ERCC2: variants seen among roughly 807,000 people sequenced by gnomAD.
ERCC2 encodes the protein ERCC excision repair 2, TFIIH core complex helicase subunit.
ERCC2 carries 90 observed loss-of-function variants against 99.4 expected under a neutral mutation model. The ratio of observed to expected loss-of-function variants is 0.91; its 90% CI spans 0.76 to 1.08. The LOEUF (loss-of-function observed/expected upper bound fraction) is 1.08. ERCC2 is among the 50% of genes least tolerant of loss of function. The pLI, the probability that ERCC2 is intolerant of heterozygous loss-of-function variation, is 0.00. For missense variants in ERCC2, 993 were observed against 1,038.1 expected (o/e 0.96, Z 0.60); for synonymous variants, 497 against 432.4 (o/e 1.15, Z -1.85).
chr19:45,351,164 TTTAC>T lies in ERCC2; in HGVS notation c.*461_*464del, dbSNP rs1971748309. On this transcript the variant is annotated 3_prime_UTR_variant, in exon 23 of 23. Transcript: ENST00000391945. ...ACCCAGGACAGGAGCAAAGATGGGT[TTTAC>T]TTGGGGTAGAGGCGAGGGGGTTGGA... is the stretch of plus-strand genomic sequence containing the variant. The T allele has an allele frequency of 6.3e-7, 1 of 1,588,968 alleles. No individual in the cohort carries two copies. Among genetic ancestry groups the T allele is most frequent in the South Asian group, 1.1e-5 (1 of 87,550 alleles).
Position 45,350,463 on chromosome 19 carries a change from C to G in ERCC2, c.*1166G>C, listed in dbSNP as rs180919816. ...CCCTAGCCCCTGTCTGTCTTCCCTC[C>G]TGGTGGCTTCTCTATGTCCCCATCT... On this transcript the variant is annotated 3_prime_UTR_variant, in exon 23 of 23. Transcript: ENST00000391945. 5 of 1,613,320 alleles carry G rather than the reference C, an allele frequency of 3.1e-6. No individual in the cohort carries two copies. Among genetic ancestry groups the G allele is most frequent in the African/African-American group, 1.3e-5 (1 of 74,846 alleles).
At position 45,352,503 on chromosome 19, in the gene ERCC2, C is replaced by T. The variant is rs770490636; in HGVS notation, c.2046+3G>A. On this transcript the variant is annotated splice_donor_region_variant and intron_variant, in intron 21 of 22. Transcript: ENST00000391945. ...GAGCACAGGGGCACCCCTGAAGCTG[C>T]ACCTTGTCGGCAAAGACCATGAGGC... The T allele has an allele frequency of 8.1e-6, 13 of 1,614,184 alleles. No individual in the cohort carries two copies. The South Asian group carries it at 1.1e-4, about 14-fold the overall frequency.
chr19:45,360,248 C>T (rs942509833), intron 12 of ERCC2, among the ~76,000 whole-genome samples: 1 of 150,968 alleles, frequency 6.6e-6, no homozygotes, highest in African/African-American at 2.4e-5. Flanking sequence ...GCCCAGCTAA[C>T]TTTTTTTGTA....
At chr19:45,358,815 A>G (rs751812421) in intron 12 of ERCC2, 2 of 780,632 alleles carry the variant, frequency 2.6e-6, no homozygotes, top group Admixed American at 1.7e-5. Context: ...ATTTGGCTGC[A>G]TCTTTGCTAC....
chr19:45,365,773 G>A (rs1029149539), intron 5 of ERCC2, among the ~76,000 whole-genome samples: 6 of 138,468 alleles, frequency 4.3e-5, no homozygotes, highest in South Asian at 2.4e-4. Context: ...CCTGGGCCAC[G>A]GAGCCAGACT....
At position 45,363,883 on chromosome 19, in the gene ERCC2, G is replaced by A. The variant is rs746258199; in HGVS notation, c.978C>T (p.Ala326=). The A allele has an allele frequency of 4.9e-5, 76 of 1,550,430 alleles. No individual in the cohort carries two copies. The highest frequency in any genetic ancestry group is 6.1e-5 in the Non-Finnish European group (71 of 1,154,902). ...QEAVPGSIRT[A]EHFLGFLRRL... is the part of the protein sequence containing the mutation. ...GCCTCAGGAAGCCCAGGAAATGCTC[G>A]GCCGTGCGGATGGAGCCAGGCACTG... The change falls in exon 11 of 23, where the codon GCC becomes GCT. Residue 326 remains alanine (A), a synonymous_variant. Coordinates refer to ENST00000391945, the MANE Select transcript of ERCC2 (RefSeq NM_000400.4).
intron 12 of ERCC2, chr19:45,357,929 A>T: frequency 3.3e-6 from 2 of 601,236 alleles, no homozygotes; most frequent in South Asian, 1.9e-5. Context: ...TTCACGAAGG[A>T]TCCCAAGTAG....
chr19:45,356,437 G>A (rs1972015855), intron 15 of ERCC2, among the ~76,000 whole-genome samples: 1 of 152,178 alleles, frequency 6.6e-6, no homozygotes, highest in Non-Finnish European at 1.5e-5. Flanking sequence ...TTGACTCGGG[G>A]GAGCTGCCCA....
intron 9 of ERCC2, 40 bp downstream of exon 9, chr19:45,364,195 G>A (rs752972792): frequency 8.7e-6 from 14 of 1,611,792 alleles, no homozygotes; most frequent in Admixed American, 3.3e-5. Flanking sequence ...AGGGTCCCAG[G>A]GGCAGGGCGG....
At chr19:45,364,697 A>T (rs1972362416) in intron 7 of ERCC2, 141 bp downstream of exon 7, 4 of 1,319,878 alleles carry the variant, frequency 3.0e-6, no homozygotes, top group Non-Finnish European at 3.2e-6. Context: ...AGACAGACCA[A>T]CAGATACGGG....
Position 45,350,628 on chromosome 19 carries a change from G to A in ERCC2, c.*1001C>T, listed in dbSNP as rs371863089. ...GCCTGGGGGACTGAGCAGCATCCCC[G>A]GCCCCTCCCCAGGCCCTTCGCCGCA... On this transcript the variant is annotated 3_prime_UTR_variant, in exon 23 of 23. Transcript: ENST00000391945. The A allele has an allele frequency of 2.4e-4, 389 of 1,612,774 alleles. No individual in the cohort carries two copies. The highest frequency in any genetic ancestry group is 2.9e-4 in the Non-Finnish European group (338 of 1,178,964).
At chr19:45,369,230 A>C in intron 2 of ERCC2, 83 bp from the exon 3 acceptor site, 1 of 1,057,668 alleles carries the variant, frequency 9.5e-7, no homozygotes, top group South Asian at 1.3e-5. Flanking sequence ...CCCGACCCCC[A>C]ATGCCACCAA....
chr19:45,363,994 A>T lies in ERCC2; in HGVS notation c.941T>A (p.Val314Glu). 1 of 1,542,402 alleles carries T rather than the reference A, an allele frequency of 6.5e-7. No homozygotes were observed. Among genetic ancestry groups the T allele is most frequent in the East Asian group, 2.4e-5 (1 of 41,066 alleles). Residue 314 changes from valine to glutamate, a missense_variant, in exon 10 of 23, where the codon GTG becomes GAG. Val to Glu is a moderately radical substitution (Grantham distance 121). Coordinates refer to ENST00000391945, the MANE Select transcript of ERCC2 (RefSeq NM_000400.4). The stretch of plus-strand genomic sequence containing the variant: ...GGGGGGTCGGGGCTCACCCTGCAGC[A>T]CTTCGTCGGGCAGCACGGGGTTGGC... The part of the protein sequence containing the change: ...HLANPVLPDE[V>E]LQEAVPGSIR...
rs376125492 is a variant in ERCC2, at chr19:45,352,874, A to C, written c.1832-58T>G. The C allele has an allele frequency of 1.7e-5, 26 of 1,527,766 alleles. No homozygotes were observed. The East Asian group carries it at 2.5e-4, about 15-fold the overall frequency. 94.6% of individuals were successfully genotyped at this position (1,527,766 alleles called of 1,614,324 possible). ...TACAAGTGTGGCTGGTGGGACAGGG[A>C]CAGCCTCACGCGACCCAGGATGCTG... On this transcript the variant is annotated intron_variant, in intron 19 of 22. Coordinates refer to ENST00000391945, the MANE Select transcript of ERCC2 (RefSeq NM_000400.4).
chr19:45,351,245 C>T lies in ERCC2; in HGVS notation c.*384G>A, dbSNP rs1568529192. The T allele has an allele frequency of 1.2e-6, 2 of 1,603,464 alleles. No homozygotes were observed. The highest frequency in any genetic ancestry group is 1.7e-5 in the Admixed American group (1 of 59,316). The stretch of plus-strand genomic sequence containing the variant: ...GCTGGAGGGTGGATGTAACACTTGC[C>T]CCTCACCTCCCCTCCAACCATCCCC... On this transcript the variant is annotated 3_prime_UTR_variant, in exon 23 of 23. Coordinates refer to ENST00000391945, the MANE Select transcript of ERCC2 (RefSeq NM_000400.4).
At chr19:45,353,426 C>A in intron 17 of ERCC2, 92 bp from the exon 18 acceptor site, 1 of 825,856 alleles carries the variant, frequency 1.2e-6, no homozygotes, top group South Asian at 1.4e-5. Context: ...ATCACCATGT[C>A]TCTGGGCCTC....
chr19:45,364,096 C>T lies in ERCC2; in HGVS notation c.839G>A (p.Arg280His), dbSNP rs755174338. Residue 280 changes from arginine (R) to histidine (H), a missense_variant, in exon 10 of 23, where the codon CGC becomes CAC. Transcript: ENST00000391945. The stretch of plus-strand genomic sequence containing the variant: ...CAGACGCCGGTACTCGTCCCGCAGG[C>T]GCTGCTCGTCTGTCTCTTTGATCCT... ...VLRIKETDEQ[R>H]LRDEYRRLVE... The T allele has an allele frequency of 2.8e-5, 45 of 1,606,744 alleles. No individual in the cohort carries two copies. The highest frequency in any genetic ancestry group is 3.7e-5 in the Non-Finnish European group (44 of 1,177,262).
At chr19:45,357,918 T>C in intron 12 of ERCC2, 3 of 606,012 alleles carry the variant, frequency 5.0e-6, no homozygotes, top group Non-Finnish European at 8.9e-6. Flanking sequence ...CTGTGCAAAC[T>C]TTCACGAAGG....
At chr19:45,358,969 G>GA (rs1972113659) in intron 12 of ERCC2, 7 of 723,664 alleles carry the variant, frequency 9.7e-6, no homozygotes, top group Non-Finnish European at 1.0e-5. Flanking sequence ...TTCACACAGT[G>GA]AAAAAAAATC....
Sources: gnomAD v4.1 joint callset for allele counts (sites outside exome capture counted in the v4.1 genomes callset) on GRCh38, gnomAD v4.1.1 for gene constraint, MANE v1.5 for transcripts, NCBI Gene and HGNC (gene_info 2026-07-23, HGNC 2026-07-21) for gene names.